Variants in TYW1 observed in about 807,000 individuals in gnomAD.
TYW1 encodes S-adenosyl-L-methionine-dependent tRNA 4-demethylwyosine synthase TYW1.
TYW1 carries 46 observed loss-of-function variants against 96.2 expected under a neutral mutation model. The ratio of observed to expected loss-of-function variants is 0.48; its 90% CI spans 0.38 to 0.61. TYW1 has a LOEUF of 0.61. TYW1 is among the 20% of genes least tolerant of loss of function. TYW1 has a pLI of 0.00. For missense variants in TYW1, 684 were observed against 909.6 expected, an observed-to-expected ratio of 0.75 and a Z score of 3.19; for synonymous variants, 274 against 323.0, an observed-to-expected ratio of 0.85 and a Z score of 1.63.
intron 13 of TYW1, among the ~76,000 whole-genome samples, chr7:67,161,785 C>G (rs569098759): frequency 6.6e-6 from 1 of 152,192 alleles, no homozygotes; most frequent in East Asian, 1.9e-4. Context: ...ACTCTTCTTT[C>G]TGGGCTCATC....
intron 12 of TYW1, among the ~76,000 whole-genome samples, chr7:67,111,026 T>C (rs1182241678): frequency 6.6e-6 from 1 of 151,496 alleles, no homozygotes; most frequent in East Asian, 1.9e-4. Flanking sequence ...AAAAAGAAAA[T>C]GTCTAGTGTT....
chr7:67,170,935 G>A (rs373974331), intron 13 of TYW1, among the ~76,000 whole-genome samples: 6 of 151,916 alleles, frequency 3.9e-5, no homozygotes, highest in African/African-American at 9.7e-5. Context: ...TGCTGGCCTC[G>A]GAGAAGGAGG....
chr7:67,052,758 G>T (rs190825693), intron 8 of TYW1, among the ~76,000 whole-genome samples: 1 of 152,038 alleles, frequency 6.6e-6, no homozygotes, highest in Non-Finnish European at 1.5e-5. Flanking sequence ...TTGAGACGGA[G>T]TCTCACTCTG....
At position 67,124,252 on chromosome 7, in the gene TYW1, T is replaced by C. The variant is rs574067125; in HGVS notation, c.1698+6634T>C. ...TGTTGTACATATTTTTGCAACTATA[T>C]ATATGTTATTAATTATTATTATTTT... On this transcript the variant is annotated intron_variant, in intron 13 of 15. Transcript: ENST00000359626. 3.1e-4 allele frequency among the ~76,000 whole-genome samples: 47 copies of C among 152,324 alleles called. No individual in the cohort carries two copies. The South Asian group carries it at 9.3e-3, about 30-fold the overall frequency.
intron 13 of TYW1, among the ~76,000 whole-genome samples, chr7:67,180,713 G>A (rs1052097902): frequency 6.6e-6 from 1 of 151,932 alleles, no homozygotes; most frequent in African/African-American, 2.4e-5. Context: ...TGCAGTCTTG[G>A]CCCATTGCAA....
chr7:67,162,348 C>T (rs1263581627), intron 13 of TYW1, among the ~76,000 whole-genome samples: 5 of 151,034 alleles, frequency 3.3e-5, no homozygotes, highest in Admixed American at 6.6e-5. Context: ...TCTGAACATC[C>T]CTGGACTATA....
rs1343382291 is a variant in TYW1 at position 67,196,073 on chromosome 7, A to C, written c.1977+736A>C. Reference sequence around the variant, plus strand: ...TAATATCTCTTGCCTTCTCATTTGTATTTTTTGTGCTTTTGTCTCTCCATC... The same window carrying C: ...TAATATCTCTTGCCTTCTCATTTGTCTTTTTTGTGCTTTTGTCTCTCCATC... On this transcript the variant is annotated intron_variant, in intron 15 of 15. Transcript: ENST00000359626. Among the ~76,000 whole-genome samples the C allele has an allele frequency of 2.0e-5, 3 of 151,662 alleles. No individual in the cohort carries two copies. The East Asian group carries it at 5.8e-4, about 29-fold the overall frequency.
In TYW1 at chr7:67,072,963, T is replaced by TTTTTTTTTG. The variant is rs1219374462; in HGVS notation, c.1274+5561_1274+5562insTTTTTTTGT. Among the ~76,000 whole-genome samples the TTTTTTTTTG allele has an allele frequency of 8.0e-3, 944 of 118,644 alleles. 85 individuals are homozygous for TTTTTTTTTG. Among genetic ancestry groups the TTTTTTTTTG allele is most frequent in the African/African-American group, 0.031 (901 of 28,984 alleles). 77.8% of individuals were successfully genotyped at this position (118,644 alleles called of 152,430 possible). A position where few individuals can be genotyped will look rare whatever the true frequency, so the allele number is the denominator to read the frequency against. On this transcript the variant is annotated intron_variant, in intron 10 of 15. Coordinates refer to ENST00000359626, the MANE Select transcript of TYW1 (RefSeq NM_018264.4). The stretch of plus-strand genomic sequence containing the variant: ...TTTTTTTTTTTTTTTTTTTTTTTTT[T>TTTTTTTTTG]TATAGAGACAGGGTCTTGCTATGTT...
At chr7:67,041,789 A>T (rs780341906) in intron 7 of TYW1, among the ~76,000 whole-genome samples, 8 of 152,118 alleles carry the variant, frequency 5.3e-5, no homozygotes, top group Non-Finnish European at 7.4e-5. Context: ...ACTAACTTTC[A>T]TGGAGTCATA....
chr7:67,122,981 T>C (rs1010089668), intron 13 of TYW1, among the ~76,000 whole-genome samples: 2 of 152,248 alleles, frequency 1.3e-5, no homozygotes, highest in Non-Finnish European at 2.9e-5. Flanking sequence ...AAGCATAAGA[T>C]AATGGTACAT....
At chr7:67,013,424 A>G (rs1197732144) in intron 4 of TYW1, among the ~76,000 whole-genome samples, 2 of 152,062 alleles carry the variant, frequency 1.3e-5, no homozygotes, top group Non-Finnish European at 2.9e-5. Flanking sequence ...GGCCCAGCCA[A>G]CATCCACTGC....
rs1219374462 is a variant in TYW1 at position 67,072,963 on chromosome 7, T to TTTTTTTTTTTTTG, written c.1274+5561_1274+5562insTTTTTTTTTTTGT. On this transcript the variant is annotated intron_variant, in intron 10 of 15. Transcript: ENST00000359626. ...TTTTTTTTTTTTTTTTTTTTTTTTTTTATAGAGACAGGGTCTTGCTATGTT... is the reference window on the plus strand; with the variant it reads ...TTTTTTTTTTTTTTTTTTTTTTTTTTTTTTTTTTTTTTGTATAGAGACAGGGTCTTGCTATGTT... 2.8e-4 allele frequency among the ~76,000 whole-genome samples: 33 copies of TTTTTTTTTTTTTG among 118,684 alleles called. 2 individuals are homozygous for TTTTTTTTTTTTTG. Among genetic ancestry groups the TTTTTTTTTTTTTG allele is most frequent in the African/African-American group, 1.1e-3 (32 of 29,022 alleles). The allele number at this position is 118,684 out of a possible 152,430, so 77.9% of individuals were successfully genotyped here.
chr7:67,008,486 C>T (rs907191809), intron 3 of TYW1, among the ~76,000 whole-genome samples: 3 of 152,142 alleles, frequency 2.0e-5, no homozygotes, highest in Admixed American at 2.0e-4. Context: ...CTCCAGTAAG[C>T]CATCTCATTA....
chr7:67,137,902 C>T (rs1165113475), intron 13 of TYW1, among the ~76,000 whole-genome samples: 2 of 152,168 alleles, frequency 1.3e-5, no homozygotes, highest in African/African-American at 4.8e-5. Flanking sequence ...ATCTTAGCAG[C>T]AGAGAGAGGC....
chr7:67,105,599 G>A (rs899610735), intron 12 of TYW1, among the ~76,000 whole-genome samples: 1 of 152,162 alleles, frequency 6.6e-6, no homozygotes, highest in African/African-American at 2.4e-5. Context: ...AAGCCCTGTG[G>A]TTTTCAGTTT....
rs534528378 is a variant in TYW1, at chr7:67,049,053, G to A, written c.985-896G>A. Among the ~76,000 whole-genome samples, 6 of 152,288 alleles carry A rather than the reference G, an allele frequency of 3.9e-5. No individual in the cohort carries two copies. The East Asian group carries it at 1.2e-3, about 29-fold the overall frequency. On this transcript the variant is annotated intron_variant, in intron 7 of 15. Coordinates refer to ENST00000359626, the MANE Select transcript of TYW1 (RefSeq NM_018264.4). ...AGGAGAAGGAACCATTGGGATGGCT[G>A]TTGGTGGTAGTGGGATAACTTGGTC...
rs35267163 is a variant in TYW1 at position 66,998,208 on chromosome 7, A to ATT, written c.135+22_135+23dup. ...CATCAAGACGCAGGTAAGTGGAGTTATTTTTTTTTTAATGGAGTATTTAGG... is the reference window on the plus strand; with the variant it reads ...CATCAAGACGCAGGTAAGTGGAGTTATTTTTTTTTTTTAATGGAGTATTTAGG... On this transcript the variant is annotated intron_variant, in intron 2 of 15. Transcript: ENST00000359626. The ATT allele has an allele frequency of 6.8e-4, 956 of 1,405,970 alleles. No individual in the cohort carries two copies. The highest frequency in any genetic ancestry group is 1.6e-3 in the Admixed American group (73 of 46,806). The allele number at this position is 1,405,970 out of a possible 1,614,324, so 87.1% of individuals were successfully genotyped here.
At chr7:67,051,022 G>T (rs1489820966) in intron 8 of TYW1, among the ~76,000 whole-genome samples, 3 of 151,986 alleles carry the variant, frequency 2.0e-5, no homozygotes, top group Non-Finnish European at 4.4e-5. Flanking sequence ...CTCCTGAGCA[G>T]CTGGGACTAG....
At chr7:67,184,314 T>C (rs11773274) in intron 14 of TYW1, among the ~76,000 whole-genome samples, 42,667 of 151,990 alleles carry the variant, frequency 0.28, 6,498 homozygotes, top group African/African-American at 0.4. Context: ...TGTTCCTGTG[T>C]ATCCTGTGGA....
Sources: gnomAD v4.1 joint callset for allele counts (sites outside exome capture counted in the v4.1 genomes callset) on GRCh38, gnomAD v4.1.1 for gene constraint, MANE v1.5 for transcripts, NCBI Gene and HGNC (gene_info 2026-07-23, HGNC 2026-07-21) for gene names.